COL5A1: variants seen among roughly 807,000 people sequenced by gnomAD.
COL5A1 encodes collagen alpha-1(V) chain.
A neutral mutation model predicts 263.7 loss-of-function variants in COL5A1; 16 were observed. The ratio of observed to expected loss-of-function variants is 0.06; its 90% confidence interval spans 0.04 to 0.09. The LOEUF (loss-of-function observed/expected upper bound fraction) is 0.09, where lower values mean the gene tolerates loss of function less well. COL5A1 is among the 10% of genes least tolerant of loss of function. The pLI, the probability that COL5A1 is intolerant of heterozygous loss-of-function variation, is 1.00. For missense variants in COL5A1, 2,036 were observed against 2,540.5 expected (o/e 0.80, Z 4.27); for synonymous variants, 1,012 against 1,004.5 (o/e 1.01, Z -0.14).
At position 134,671,264 on chromosome 9, in the gene COL5A1, C is replaced by G. The variant is rs974617050; in HGVS notation, c.110-19648C>G. ...GACCTTGAAGCTTGGCTCCATTAACCCACTGGGTGTGCAGACTCACAGGGG... is the reference window on the plus strand; with the variant it reads ...GACCTTGAAGCTTGGCTCCATTAACGCACTGGGTGTGCAGACTCACAGGGG... On this transcript the variant is annotated intron_variant, in intron 1 of 65. Coordinates refer to ENST00000371817, the MANE Select transcript of COL5A1 (RefSeq NM_000093.5). 2.0e-5 allele frequency among the ~76,000 whole-genome samples: 3 copies of G among 152,210 alleles called. No individual in the cohort carries two copies. In the East Asian group the frequency reaches 5.8e-4, roughly 29 times the overall value.
At chr9:134,683,854 C>T (rs1832933548) in intron 1 of COL5A1, among the ~76,000 whole-genome samples, 1 of 152,212 alleles carries the variant, frequency 6.6e-6, no homozygotes. Flanking sequence ...GTTCTGAAGA[C>T]CCGTTCCCCA....
At chr9:134,698,594 C>T (rs962511018) in intron 2 of COL5A1, among the ~76,000 whole-genome samples, 17 of 152,212 alleles carry the variant, frequency 1.1e-4, no homozygotes, top group Admixed American at 6.5e-4. Context: ...GACGAGGGGG[C>T]CTTCAGCGTC....
chr9:134,727,061 A>ATGGG (rs1834689079), intron 4 of COL5A1, among the ~76,000 whole-genome samples: 1 of 145,872 alleles, frequency 6.9e-6, no homozygotes, highest in South Asian at 2.3e-4. Flanking sequence ...GGATGGATGG[A>ATGGG]TGGATGGATG....
At chr9:134,745,948 CCT>C (rs1465551359) in intron 11 of COL5A1, among the ~76,000 whole-genome samples, 1 of 152,150 alleles carries the variant, frequency 6.6e-6, no homozygotes, top group Non-Finnish European at 1.5e-5. Context: ...CCAGCCCTCC[CCT>C]GTGTCTCTGT....
At chr9:134,810,360 G>A (rs775450611) in intron 44 of COL5A1, 52 bp downstream of exon 44, 35 of 1,555,100 alleles carry the variant, frequency 2.3e-5, no homozygotes, top group Non-Finnish European at 2.8e-5. Flanking sequence ...GGGGGGCCTC[G>A]TCGCAGGCTG....
In COL5A1 at chr9:134,756,800, T is replaced by C. The variant is rs1332458847; in HGVS notation, c.1863T>C (p.Pro621=). 3 of 1,614,072 alleles carry C rather than the reference T, an allele frequency of 1.9e-6. No homozygotes were observed. Among genetic ancestry groups the C allele is most frequent in the Admixed American group, 1.7e-5 (1 of 60,018 alleles). ...RAGSDGARGM[P]GQTGPKGDRG... The stretch of plus-strand genomic sequence containing the variant: ...GGAGTGATGGAGCCAGAGGAATGCC[T>C]GGACAAACTGGCCCCAAGGTAGGTC... The change falls in exon 17 of 66, where the codon CCT becomes CCC. Residue 621 remains proline, a synonymous_variant. Coordinates refer to ENST00000371817, the MANE Select transcript of COL5A1 (RefSeq NM_000093.5).
At chr9:134,780,405 A>C (rs1313497576) in intron 28 of COL5A1, among the ~76,000 whole-genome samples, 1 of 152,158 alleles carries the variant, frequency 6.6e-6, no homozygotes, top group Non-Finnish European at 1.5e-5. Context: ...GTGTCTCTGC[A>C]CAAGGAGAAG....
chr9:134,802,702 C>G (rs1364192210), intron 38 of COL5A1, among the ~76,000 whole-genome samples, 186 bp from the exon 39 acceptor site: 2 of 152,208 alleles, frequency 1.3e-5, no homozygotes, highest in African/African-American at 4.8e-5. Flanking sequence ...CAGTGAGCAG[C>G]GTACCAACAC....
intron 4 of COL5A1, among the ~76,000 whole-genome samples, chr9:134,711,731 G>A (rs1451115019): frequency 6.6e-6 from 1 of 152,044 alleles, no homozygotes; most frequent in Non-Finnish European, 1.5e-5. Flanking sequence ...TGGGGTCCCG[G>A]ATAGGAGGCT....
intron 36 of COL5A1, among the ~76,000 whole-genome samples, chr9:134,797,635 A>G (rs10776903): frequency 0.66 from 100,190 of 151,666 alleles, 34,241 homozygotes; most frequent in African/African-American, 0.84. Context: ...GGCATGCGCC[A>G]CCACACCCAG....
Position 134,647,221 on chromosome 9 carries a change from G to A in COL5A1, c.109+4925G>A, listed in dbSNP as rs1401322683. ...GTTGCCCGCTTAGCCGGTCTCTGCTGCCCCTTTGCCTTCCTTGGCCTCGGT... is the reference window on the plus strand; with the variant it reads ...GTTGCCCGCTTAGCCGGTCTCTGCTACCCCTTTGCCTTCCTTGGCCTCGGT... On this transcript the variant is annotated intron_variant, in intron 1 of 65. Coordinates refer to ENST00000371817, the MANE Select transcript of COL5A1 (RefSeq NM_000093.5). This position sits in a 1 kb window ranked among gnomAD's most constrained non-coding sequence, Gnocchi z 5.0. Among the ~76,000 whole-genome samples the A allele has an allele frequency of 6.6e-6, 1 of 152,178 alleles. No individual in the cohort carries two copies. Among genetic ancestry groups the A allele is most frequent in the Non-Finnish European group, 1.5e-5 (1 of 68,032 alleles).
chr9:134,833,334 G>A (rs1839722752), intron 64 of COL5A1, among the ~76,000 whole-genome samples: 1 of 152,242 alleles, frequency 6.6e-6, no homozygotes, highest in Admixed American at 6.5e-5. Context: ...TGGTGGAGCT[G>A]AGCAGCCCAG....
At chr9:134,688,962 C>T (rs1833173568) in intron 1 of COL5A1, among the ~76,000 whole-genome samples, 1 of 151,360 alleles carries the variant, frequency 6.6e-6, no homozygotes, top group Non-Finnish European at 1.5e-5. Context: ...CTTCCCTGCA[C>T]TGTCAGCTGG....
intron 31 of COL5A1, among the ~76,000 whole-genome samples, chr9:134,787,700 A>T (rs1052307280): frequency 6.6e-6 from 1 of 152,222 alleles, no homozygotes; most frequent in Non-Finnish European, 1.5e-5. Flanking sequence ...CCAACTCTGC[A>T]AGCTGCTGTG....
At chr9:134,819,570 G>A (rs564644026) in intron 57 of COL5A1, among the ~76,000 whole-genome samples, 2 of 152,292 alleles carry the variant, frequency 1.3e-5, no homozygotes, top group South Asian at 4.1e-4. Context: ...TCTGACGTCC[G>A]CCACCACTGC....
In COL5A1 at chr9:134,761,981, AGGT is replaced by A; in HGVS notation, c.1989+4_1989+6del. ...CTCCGGGAGACGATGGAGAAAGGGT[AGGT>A]ATTCTGCCGTCCCTCCGACTGCTCC... On this transcript the variant is annotated splice_donor_5th_base_variant and intron_variant, in intron 19 of 65. Coordinates refer to ENST00000371817, the MANE Select transcript of COL5A1 (RefSeq NM_000093.5). The A allele has an allele frequency of 1.2e-6, 2 of 1,613,320 alleles. No homozygotes were observed. Among genetic ancestry groups the A allele is most frequent in the Non-Finnish European group, 1.7e-6 (2 of 1,179,892 alleles).
chr9:134,781,163 C>T (rs550847995), intron 28 of COL5A1, among the ~76,000 whole-genome samples: 2 of 152,370 alleles, frequency 1.3e-5, no homozygotes, highest in Admixed American at 1.3e-4. Context: ...GTGGCCACAA[C>T]TGGATCAGAA....
At position 134,821,370 on chromosome 9, in the gene COL5A1, A is replaced by G. The variant is rs1427140594; in HGVS notation, c.4555-727A>G. ...AATGAGCCACAGCCCAAGTTCCTGCAGGGACAAGGTGAAGGGAGGGAAGCG... is the reference window on the plus strand; with the variant it reads ...AATGAGCCACAGCCCAAGTTCCTGCGGGGACAAGGTGAAGGGAGGGAAGCG... On this transcript the variant is annotated intron_variant, in intron 58 of 65. Coordinates refer to ENST00000371817, the MANE Select transcript of COL5A1 (RefSeq NM_000093.5). This position sits in a 1 kb window ranked among gnomAD's most constrained non-coding sequence, Gnocchi z 4.2. Among the ~76,000 whole-genome samples the G allele has an allele frequency of 6.6e-6, 1 of 152,156 alleles. No homozygotes were observed. Among genetic ancestry groups the G allele is most frequent in the Admixed American group, 6.5e-5 (1 of 15,282 alleles).
intron 11 of COL5A1, among the ~76,000 whole-genome samples, chr9:134,749,158 C>T (rs756068649): frequency 7.9e-5 from 12 of 152,022 alleles, no homozygotes; most frequent in East Asian, 1.9e-4. Context: ...TTGCTTGAAC[C>T]GGGGAGGCGG....
Sources: allele counts gnomAD v4.1 joint callset (sites outside exome capture counted in the v4.1 genomes callset), GRCh38; gene constraint gnomAD v4.1.1; non-coding constraint Gnocchi (gnomAD v3.1); transcripts MANE v1.5; gene names NCBI Gene and HGNC (gene_info 2026-07-23, HGNC 2026-07-21).